The following GPR155 variants were observed in gnomAD, a reference collection of about 807,000 sequenced individuals.
GPR155 encodes the protein G protein-coupled receptor 155, also known as lysosomal cholesterol signaling protein.
A neutral mutation model predicts 93.1 loss-of-function variants in GPR155; 65 were observed. The observed-to-expected ratio is 0.70, with a 90% CI of 0.57 to 0.86. The LOEUF (loss-of-function observed/expected upper bound fraction) is 0.86, where lower values mean the gene tolerates loss of function less well. Ranked by LOEUF, GPR155 falls within the 40% of genes least tolerant of loss-of-function variation. The probability of loss-of-function intolerance (pLI) is 0.00; values close to 1 mark genes in which losing one functional copy is unlikely to be tolerated. For synonymous variants in GPR155, 319 were observed against 360.1 expected, an observed-to-expected ratio of 0.89 and a Z score of 1.29; for missense variants, 838 against 1,034.8, an observed-to-expected ratio of 0.81 and a Z score of 2.61.
At chr2:174,454,773 AGGAAGGAAAG>A (rs1411792503) in intron 10 of GPR155, among the ~76,000 whole-genome samples, 6 of 137,574 alleles carry the variant, frequency 4.4e-5, no homozygotes, top group East Asian at 4.4e-4. Context: ...AGGAAGGGAA[AGGAAGGAAAG>A]GGAAGGAAAG....
At chr2:174,460,157 T>TG (rs1687646800) in intron 9 of GPR155, 69 bp from the exon 10 acceptor site, 2 of 497,388 alleles carry the variant, frequency 4.0e-6, no homozygotes, top group African/African-American at 2.2e-5. Flanking sequence ...AGGGCACATT[T>TG]TTTTTTTTTT....
At position 174,473,023 on chromosome 2, in the gene GPR155, T is replaced by C. The variant is rs777907999; in HGVS notation, c.802A>G (p.Ile268Val). 5 of 1,595,478 alleles carry C rather than the reference T, an allele frequency of 3.1e-6. No individual in the cohort carries two copies. The highest frequency in any genetic ancestry group is 4.3e-6 in the Non-Finnish European group (5 of 1,175,686). ...FYLGLTMVGKIKRLKKSAFVV... is the reference protein window; with the variant it reads ...FYLGLTMVGKVKRLKKSAFVV... ...AATGCCGACTTCTTCAGTCTCTTTA[T>C]TTTTCCCACCATCGTGAGACCAAGA... Residue 268 changes from isoleucine to valine, a missense_variant, in exon 3 of 16, where the codon ATA becomes GTA. Around this residue, in one of 3 missense-constraint regions of GPR155, gnomAD observed 663 missense variants for 790.1 expected, o/e 0.84. Transcript: ENST00000392552.
chr2:174,445,402 C>A, intron 12 of GPR155: 1 of 389,464 alleles, frequency 2.6e-6, no homozygotes, highest in Non-Finnish European at 4.6e-6. Context: ...AGATTTGAAG[C>A]AAGAAGACAT....
intron 2 of GPR155, among the ~76,000 whole-genome samples, chr2:174,479,151 AATT>A (rs1438115840): frequency 1.3e-5 from 2 of 152,226 alleles, no homozygotes; most frequent in African/African-American, 4.8e-5. Flanking sequence ...CTAGAAACAT[AATT>A]ATTACCAGAT....
At chr2:174,464,886 A>G (rs1445814777) in intron 7 of GPR155, among the ~76,000 whole-genome samples, 1 of 152,066 alleles carries the variant, frequency 6.6e-6, no homozygotes, top group Non-Finnish European at 1.5e-5. Context: ...GTTGACTGAG[A>G]TGGGACCTGC....
intron 15 of GPR155, 24 bp from the exon 16 acceptor site, chr2:174,436,440 C>T: frequency 6.2e-7 from 1 of 1,609,634 alleles, no homozygotes; most frequent in Non-Finnish European, 8.5e-7. Flanking sequence ...ATGATTCACC[C>T]ATATTTTCTG....
At chr2:174,441,752 C>T (rs369347035) in intron 14 of GPR155, among the ~76,000 whole-genome samples, 15 of 131,142 alleles carry the variant, frequency 1.1e-4, no homozygotes, top group Non-Finnish European at 2.3e-4. Flanking sequence ...TGTGTGTGTG[C>T]GTGTGTGTGT....
rs547907905 is a variant in GPR155 at position 174,453,577 on chromosome 2, G to A, written c.1876+160C>T. Among the ~76,000 whole-genome samples the A allele has an allele frequency of 1.5e-4, 23 of 148,886 alleles. No individual in the cohort carries two copies. The South Asian group carries it at 3.8e-3, about 25-fold the overall frequency. On this transcript the variant is annotated intron_variant, in intron 11 of 15. Transcript: ENST00000392552. ...CAGGAGGCTGAGGCAGGAGAATGGC[G>A]TGAACCTGGGAGGCACAGCTTGCAG...
intron 6 of GPR155, 111 bp from the exon 7 acceptor site, chr2:174,466,013 C>A: frequency 1.7e-6 from 1 of 587,606 alleles, no homozygotes; most frequent in Non-Finnish European, 3.1e-6. Context: ...TCATTCACAG[C>A]AAATATAATT....
intron 15 of GPR155, among the ~76,000 whole-genome samples, chr2:174,438,102 C>T (rs1047182731): frequency 6.6e-6 from 1 of 151,768 alleles, no homozygotes; most frequent in Non-Finnish European, 1.5e-5. Context: ...TAAAAAAATA[C>T]AAAAAATTAG....
chr2:174,435,599 G>A lies in GPR155; in HGVS notation c.*517C>T, dbSNP rs919540463. On this transcript the variant is annotated 3_prime_UTR_variant, in exon 16 of 16. Coordinates refer to ENST00000392552, the MANE Select transcript of GPR155 (RefSeq NM_152529.7). ...CGATTCTCCTGCCTCAGCCTCCTGA[G>A]TAGCTGGGATTACAGGCACCCGCCA... The A allele has an allele frequency of 1.1e-4, 17 of 152,808 alleles. No homozygotes were observed. Among genetic ancestry groups the A allele is most frequent in the African/African-American group, 3.9e-4 (16 of 41,528 alleles). The allele number at this position is 152,808 out of a possible 1,614,324, so 9.5% of individuals were successfully genotyped here.
intron 2 of GPR155, among the ~76,000 whole-genome samples, chr2:174,479,871 C>A (rs770591869): frequency 3.3e-5 from 5 of 152,202 alleles, no homozygotes; most frequent in Admixed American, 1.3e-4. Context: ...GAACACCTAT[C>A]TAGTTTCTGA....
intron 10 of GPR155, among the ~76,000 whole-genome samples, 178 bp from the exon 11 acceptor site, chr2:174,454,019 T>TA (rs1166012006): frequency 2.6e-5 from 4 of 152,194 alleles, no homozygotes; most frequent in South Asian, 2.1e-4. Flanking sequence ...ATATACAAAA[T>TA]AAAAAAAACT....
At chr2:174,465,394 G>A (rs1392747156) in intron 7 of GPR155, among the ~76,000 whole-genome samples, 1 of 152,166 alleles carries the variant, frequency 6.6e-6, no homozygotes, top group African/African-American at 2.4e-5. Flanking sequence ...ATTTGCATGA[G>A]GCAGAGCCAG....
At position 174,442,147 on chromosome 2, in the gene GPR155, G is replaced by T; in HGVS notation, c.2146C>A (p.His716Asn). 7.2e-7 allele frequency: 1 copy of T among 1,395,020 alleles called. No individual in the cohort carries two copies. The highest frequency in any genetic ancestry group is 1.0e-6 in the Non-Finnish European group (1 of 981,930). The allele number at this position is 1,395,020 out of a possible 1,614,324, so 86.4% of individuals were successfully genotyped here. Reference protein sequence around the residue: ...ISFGIFGLDKHLIILPFKRRL... With the variant: ...ISFGIFGLDKNLIILPFKRRL... ...CTTTTGAAAGGCAGGATGATTAAAT[G>T]TTTATCTAATCCAAAGATTCCAAAG... Residue 716 changes from histidine (H) to asparagine (N), a missense_variant, in exon 14 of 16, where the codon CAT becomes AAT. Coordinates refer to ENST00000392552, the MANE Select transcript of GPR155 (RefSeq NM_152529.7).
At chr2:174,480,681 G>A (rs1199994131) in intron 2 of GPR155, among the ~76,000 whole-genome samples, 2 of 151,856 alleles carry the variant, frequency 1.3e-5, no homozygotes, top group African/African-American at 4.8e-5. Context: ...AGTTAGAAAG[G>A]TAAAAAAGCT....
chr2:174,450,965 G>A (rs1186960171), intron 11 of GPR155, among the ~76,000 whole-genome samples: 1 of 152,120 alleles, frequency 6.6e-6, no homozygotes, highest in Non-Finnish European at 1.5e-5. Flanking sequence ...TTGTATATAT[G>A]TGTGGAAAAA....
At chr2:174,443,147 A>C (rs1687017195) in intron 13 of GPR155, among the ~76,000 whole-genome samples, 2 of 152,144 alleles carry the variant, frequency 1.3e-5, no homozygotes, top group South Asian at 4.1e-4. Context: ...GATCTTAAAC[A>C]GTATCACAAA....
At position 174,435,790 on chromosome 2, in the gene GPR155, A is replaced by C. The variant is rs1574686636; in HGVS notation, c.*326T>G. ...TGCCCGGCCTACACCATTTTATATA[A>C]GGGACTTGAGTATCCTCAGATTTTG... On this transcript the variant is annotated 3_prime_UTR_variant, in exon 16 of 16. Coordinates refer to ENST00000392552, the MANE Select transcript of GPR155 (RefSeq NM_152529.7). The C allele has an allele frequency of 1.8e-5, 4 of 220,294 alleles. No homozygotes were observed. The South Asian group carries it at 3.5e-4, about 19-fold the overall frequency. The allele number at this position is 220,294 out of a possible 1,614,324, so 13.6% of individuals were successfully genotyped here. A position where few individuals can be genotyped will look rare whatever the true frequency, so the allele number is the denominator to read the frequency against.
Sources: allele counts gnomAD v4.1 joint callset (sites outside exome capture counted in the v4.1 genomes callset), GRCh38; gene constraint gnomAD v4.1.1; regional missense constraint gnomAD v4.1.1; transcripts MANE v1.5; gene names NCBI Gene and HGNC (gene_info 2026-07-23, HGNC 2026-07-21).